The following CDYL variants were observed in gnomAD, a reference collection of about 807,000 sequenced individuals.
CDYL encodes chromodomain Y like, also known as chromodomain Y-like protein.
CDYL carries 8 observed loss-of-function variants against 47.3 expected under a neutral mutation model. The ratio of observed to expected loss-of-function variants is 0.17; its 90% CI spans 0.10 to 0.31. The LOEUF (loss-of-function observed/expected upper bound fraction) is 0.31. Ranked by LOEUF, CDYL falls within the 10% of genes least tolerant of loss-of-function variation. The pLI is 1.00. For synonymous variants in CDYL, 266 were observed against 265.0 expected, an observed-to-expected ratio of 1.00 and a Z score of -0.04; for missense variants, 471 against 701.4, an observed-to-expected ratio of 0.67 and a Z score of 3.71.
chr6:4,769,247 A>G (rs1758300161), intron 3 of CDYL, among the ~76,000 whole-genome samples: 1 of 152,216 alleles, frequency 6.6e-6, no homozygotes, highest in African/African-American at 2.4e-5. Context: ...GACTAAATGT[A>G]ATGGGGAAAA....
At chr6:4,892,654 G>T (rs1762084253) in intron 2 of CDYL, among the ~76,000 whole-genome samples, 1 of 152,170 alleles carries the variant, frequency 6.6e-6, no homozygotes, top group African/African-American at 2.4e-5. Flanking sequence ...GTTATTAGGT[G>T]ATAAGTTTTT....
intron 1 of CDYL, among the ~76,000 whole-genome samples, chr6:4,834,833 A>G (rs1350116720): frequency 6.6e-6 from 1 of 151,566 alleles, no homozygotes; most frequent in African/African-American, 2.4e-5. Flanking sequence ...TTCATCTTCC[A>G]TCGCTGATAC....
chr6:4,752,612 A>G (rs1029873778), intron 3 of CDYL, among the ~76,000 whole-genome samples: 7 of 152,182 alleles, frequency 4.6e-5, no homozygotes, highest in Non-Finnish European at 5.9e-5. Flanking sequence ...CACTAAAACA[A>G]TCAAATCTGT....
At chr6:4,747,524 C>T (rs776427977) in intron 3 of CDYL, among the ~76,000 whole-genome samples, 6 of 152,116 alleles carry the variant, frequency 3.9e-5, no homozygotes, top group East Asian at 1.9e-4. Flanking sequence ...CCCAACTGTG[C>T]GTTTTCCAAA....
chr6:4,952,466 C>T, intron 6 of CDYL, 57 bp downstream of exon 6: 8 of 1,551,940 alleles, frequency 5.2e-6, no homozygotes, highest in South Asian at 1.2e-5. Flanking sequence ...ACTTTTCCCT[C>T]AGAGAGCTCA....
intron 2 of CDYL, 92 bp from the exon 3 acceptor site, chr6:4,935,423 T>A: frequency 1.8e-6 from 2 of 1,087,388 alleles, no homozygotes; most frequent in Non-Finnish European, 1.4e-6. Context: ...CCTAAGTGTG[T>A]AATGAACATC....
At chr6:4,886,155 A>G (rs925635011) in intron 1 of CDYL, among the ~76,000 whole-genome samples, 1 of 152,232 alleles carries the variant, frequency 6.6e-6, no homozygotes, top group African/African-American at 2.4e-5. Context: ...GTTAATAGAC[A>G]TTCGGATTGT....
chr6:4,778,404 A>G lies in CDYL; in HGVS notation c.24+1597A>G, dbSNP rs200076327. Among the ~76,000 whole-genome samples the G allele has an allele frequency of 1.6e-4, 24 of 152,336 alleles. 1 individual carries two copies. The South Asian group carries it at 2.7e-3, about 17-fold the overall frequency. On this transcript the variant is annotated intron_variant, in intron 1 of 6. Coordinates refer to ENST00000397588, the MANE Select transcript of CDYL (RefSeq NM_004824.4). ...AAGACAGCACATTTCCCATTAGTAT[A>G]TTATGAACTAAGTTTAGTTCCTTCT...
chr6:4,771,207 G>A (rs538156630), intron 3 of CDYL, among the ~76,000 whole-genome samples: 60 of 151,930 alleles, frequency 3.9e-4, no homozygotes, highest in Middle Eastern at 3.4e-3. Context: ...TCTGCCTCCC[G>A]GGTTCAAGTG....
chr6:4,820,905 G>A (rs1443323737), intron 1 of CDYL, among the ~76,000 whole-genome samples: 1 of 152,188 alleles, frequency 6.6e-6, no homozygotes, highest in Non-Finnish European at 1.5e-5. Context: ...AACATCCGCA[G>A]GCCTTGACTC....
chr6:4,856,535 G>A (rs1761011747), intron 1 of CDYL, among the ~76,000 whole-genome samples: 1 of 152,210 alleles, frequency 6.6e-6, no homozygotes, highest in African/African-American at 2.4e-5. Flanking sequence ...GAGGGTGGCA[G>A]GGTAGAAGCA....
intron 2 of CDYL, among the ~76,000 whole-genome samples, chr6:4,726,437 C>T (rs1757514088): frequency 6.6e-6 from 1 of 150,508 alleles, no homozygotes; most frequent in South Asian, 2.1e-4. Context: ...GAGGCTGAGG[C>T]AGGAGAATTG....
chr6:4,934,818 G>A (rs368556808), intron 2 of CDYL, among the ~76,000 whole-genome samples: 1 of 152,198 alleles, frequency 6.6e-6, no homozygotes, highest in South Asian at 2.1e-4. Context: ...AAACACAGTT[G>A]CTGCTGTTGA....
At chr6:4,933,948 G>C (rs1487128945) in intron 2 of CDYL, among the ~76,000 whole-genome samples, 5 of 152,368 alleles carry the variant, frequency 3.3e-5, no homozygotes, top group Admixed American at 3.3e-4. Context: ...GCAGCCTTAG[G>C]AAAGAACAGG....
intron 1 of CDYL, among the ~76,000 whole-genome samples, chr6:4,850,218 A>G (rs1760782952): frequency 6.6e-6 from 1 of 152,208 alleles, no homozygotes; most frequent in Non-Finnish European, 1.5e-5. Context: ...TTAATTCAGC[A>G]AATACTTGTT....
chr6:4,806,178 C>T (rs138431474), intron 1 of CDYL, among the ~76,000 whole-genome samples: 1,730 of 152,342 alleles, frequency 0.011, 29 homozygotes, highest in African/African-American at 0.04. Context: ...GACCCACCGG[C>T]TGTGCCACCT....
chr6:4,756,883 T>C (rs1399890305), intron 3 of CDYL, among the ~76,000 whole-genome samples: 2 of 152,198 alleles, frequency 1.3e-5, no homozygotes, highest in Admixed American at 1.3e-4. Context: ...GGGTTACTTT[T>C]GTCACCTTAT....
intron 1 of CDYL, among the ~76,000 whole-genome samples, chr6:4,817,012 A>G (rs1759695621): frequency 6.6e-6 from 1 of 152,198 alleles, no homozygotes; most frequent in African/African-American, 2.4e-5. Flanking sequence ...TGCTTTTTAT[A>G]AGTCATGAGC....
At chr6:4,811,970 G>T (rs545688329) in intron 1 of CDYL, among the ~76,000 whole-genome samples, 1 of 152,206 alleles carries the variant, frequency 6.6e-6, no homozygotes, top group African/African-American at 2.4e-5. Context: ...TGCCTTTGCT[G>T]TCTGCAGGGT....
Sources: allele counts gnomAD v4.1 joint callset (sites outside exome capture counted in the v4.1 genomes callset), GRCh38; gene constraint gnomAD v4.1.1; transcripts MANE v1.5; gene names NCBI Gene and HGNC (gene_info 2026-07-23, HGNC 2026-07-21).